CISD2: variants seen among roughly 807,000 people sequenced by gnomAD.
CISD2 encodes CDGSH iron sulfur domain 2, also known as CDGSH iron-sulfur domain-containing protein 2.
CISD2 carries 1 observed loss-of-function variant against 12.9 expected under a neutral mutation model. The observed-to-expected ratio is 0.08, with a 90% confidence interval of 0.03 to 0.37. The LOEUF is 0.37. CISD2 is among the 10% of genes least tolerant of loss of function. CISD2 has a pLI of 0.99. For synonymous variants in CISD2, 50 were observed against 60.6 expected (o/e 0.83, Z 0.81); for missense variants, 97 against 163.1 (o/e 0.59, Z 2.21).
rs367544831 is a variant in CISD2 at position 102,888,723 on chromosome 4, A to G, written c.*1293A>G. 2.0e-5 allele frequency: 3 copies of G among 152,396 alleles called. No individual in the cohort carries two copies. In the East Asian group the frequency reaches 5.8e-4, roughly 29 times the overall value. 9.4% of individuals were successfully genotyped at this position (152,396 alleles called of 1,614,324 possible). A position where few individuals can be genotyped will look rare whatever the true frequency, so the allele number is the denominator to read the frequency against. ...TGAGGTGGGAGGATGGCTGCAGTAC[A>G]AGAGCCCAGGAGTTCAAGGCCAGGC... is the stretch of plus-strand genomic sequence containing the variant. On this transcript the variant is annotated 3_prime_UTR_variant, in exon 3 of 3. Transcript: ENST00000273986.
chr4:102,889,584 T>A lies in CISD2; in HGVS notation c.*2154T>A, dbSNP rs1258688778. ...TGAAAATGAATTATCTCATAAAAGG[T>A]AATTTTAATACCCCAAAAGTAAGAT... On this transcript the variant is annotated 3_prime_UTR_variant, in exon 3 of 3. Transcript: ENST00000273986. The A allele has an allele frequency of 1.3e-5, 2 of 152,238 alleles. No homozygotes were observed. Among genetic ancestry groups the A allele is most frequent in the African/African-American group, 4.8e-5 (2 of 41,458 alleles). The allele number at this position is 152,238 out of a possible 1,614,324, so 9.4% of individuals were successfully genotyped here. A position where few individuals can be genotyped will look rare whatever the true frequency, so the allele number is the denominator to read the frequency against.
At chr4:102,878,350 C>T (rs1008925598) in intron 1 of CISD2, among the ~76,000 whole-genome samples, 5 of 152,072 alleles carry the variant, frequency 3.3e-5, no homozygotes, top group East Asian at 3.9e-4. Context: ...AGGACGGTCT[C>T]GATGTCTTGA....
rs2110410499 is a variant in CISD2 at position 102,891,889 on chromosome 4, A to G, written c.*4459A>G. 6.6e-6 allele frequency: 1 copy of G among 152,340 alleles called. No individual in the cohort carries two copies. Among genetic ancestry groups the G allele is most frequent in the Non-Finnish European group, 1.5e-5 (1 of 68,032 alleles). 9.4% of individuals were successfully genotyped at this position (152,340 alleles called of 1,614,324 possible). ...TGACTCCCTCAACATCCGGTTGGCC[A>G]TATAGTCCCTTTGCACCACAGAGGT... On this transcript the variant is annotated 3_prime_UTR_variant, in exon 3 of 3. Coordinates refer to ENST00000273986, the MANE Select transcript of CISD2 (RefSeq NM_001008388.5).
chr4:102,873,376 A>G (rs1310625462), intron 1 of CISD2, among the ~76,000 whole-genome samples: 2 of 152,068 alleles, frequency 1.3e-5, no homozygotes, highest in Admixed American at 1.3e-4. Flanking sequence ...AGCTCAAGCC[A>G]TCCTCCCACC....
intron 1 of CISD2, chr4:102,869,403 G>A (rs184161680): frequency 6.9e-6 from 5 of 721,322 alleles, no homozygotes; most frequent in Non-Finnish European, 9.9e-6. Flanking sequence ...TTTTGTCCTC[G>A]GAGTTGTCTC....
chr4:102,876,408 T>C (rs1733593368), intron 1 of CISD2, among the ~76,000 whole-genome samples: 1 of 152,216 alleles, frequency 6.6e-6, no homozygotes, highest in East Asian at 1.9e-4. Flanking sequence ...TAGCACAGTA[T>C]CTCTACATAG....
chr4:102,871,143 C>T (rs1454498333), intron 1 of CISD2, among the ~76,000 whole-genome samples: 1 of 152,114 alleles, frequency 6.6e-6, no homozygotes, highest in East Asian at 1.9e-4. Flanking sequence ...CAGATGGTGG[C>T]TGCATTTGTA....
At chr4:102,872,989 C>T (rs1578309463) in intron 1 of CISD2, among the ~76,000 whole-genome samples, 2 of 152,204 alleles carry the variant, frequency 1.3e-5, no homozygotes, top group African/African-American at 4.8e-5. Flanking sequence ...TGGCGGAAGG[C>T]GAAGGGGAAA....
In CISD2 at chr4:102,876,113, T is replaced by C. The variant is rs1029734229; in HGVS notation, c.103+6926T>C. Among the ~76,000 whole-genome samples, 4 of 152,340 alleles carry C rather than the reference T, an allele frequency of 2.6e-5. No homozygotes were observed. The South Asian group carries it at 6.2e-4, about 24-fold the overall frequency. Reference sequence around the variant, plus strand: ...GTTCACTTGTTTATAGTCTCTGTCCTCTGAAATATATACCCTATGAGAGAA... The same window carrying C: ...GTTCACTTGTTTATAGTCTCTGTCCCCTGAAATATATACCCTATGAGAGAA... On this transcript the variant is annotated intron_variant, in intron 1 of 2. Coordinates refer to ENST00000273986, the MANE Select transcript of CISD2 (RefSeq NM_001008388.5).
At chr4:102,869,650 C>A (rs1324433613) in intron 1 of CISD2, 2 of 621,492 alleles carry the variant, frequency 3.2e-6, no homozygotes, top group Non-Finnish European at 5.7e-6. Context: ...TAGACTTACA[C>A]GTAACACGTA....
intron 2 of CISD2, among the ~76,000 whole-genome samples, chr4:102,886,222 C>T (rs973980621): frequency 6.6e-6 from 1 of 152,128 alleles, no homozygotes; most frequent in Non-Finnish European, 1.5e-5. Context: ...GGCGCGGTGG[C>T]TCACGCCTGT....
intron 1 of CISD2, among the ~76,000 whole-genome samples, chr4:102,877,015 A>T (rs1443463037): frequency 2.0e-5 from 3 of 152,186 alleles, no homozygotes. Flanking sequence ...TCCTCCCTCA[A>T]CATGTGGAAA....
chr4:102,883,875 C>T (rs1474052039), intron 1 of CISD2, among the ~76,000 whole-genome samples: 1 of 152,178 alleles, frequency 6.6e-6, no homozygotes, highest in Non-Finnish European at 1.5e-5. Flanking sequence ...TCACCAATCT[C>T]TATAATCTCT....
At chr4:102,878,737 A>T (rs1344450781) in intron 1 of CISD2, among the ~76,000 whole-genome samples, 2 of 152,166 alleles carry the variant, frequency 1.3e-5, no homozygotes, top group Non-Finnish European at 2.9e-5. Context: ...ACTTTCCCAC[A>T]TCTTACTGTC....
chr4:102,886,880 G>C (rs1275458966), intron 2 of CISD2, among the ~76,000 whole-genome samples: 9 of 152,192 alleles, frequency 5.9e-5, no homozygotes, highest in Non-Finnish European at 1.3e-4. Context: ...CTCTGAAAGT[G>C]TTGGGATTAC....
chr4:102,872,597 G>A (rs536871807), intron 1 of CISD2, among the ~76,000 whole-genome samples: 2 of 152,160 alleles, frequency 1.3e-5, no homozygotes, highest in Admixed American at 6.5e-5. Flanking sequence ...GAAAAATTCT[G>A]TTCTAGTTCT....
rs1422581138 is a variant in CISD2 at position 102,892,232 on chromosome 4, A to G, written c.*4802A>G. 1.3e-5 allele frequency: 2 copies of G among 151,728 alleles called. No homozygotes were observed. The highest frequency in any genetic ancestry group is 4.9e-5 in the African/African-American group (2 of 41,236). The allele number at this position is 151,728 out of a possible 1,614,324, so 9.4% of individuals were successfully genotyped here. On this transcript the variant is annotated 3_prime_UTR_variant, in exon 3 of 3. Transcript: ENST00000273986. Reference sequence around the variant, plus strand: ...CTTCATCATGCCCGGCTAATTTTTTATTTTTCTAAGAGACAGAGTCTCACT... The same window carrying G: ...CTTCATCATGCCCGGCTAATTTTTTGTTTTTCTAAGAGACAGAGTCTCACT...
At chr4:102,887,244 C>G in intron 2 of CISD2, 97 bp from the exon 3 acceptor site, 1 of 729,312 alleles carries the variant, frequency 1.4e-6, no homozygotes, top group Non-Finnish European at 2.4e-6. Flanking sequence ...TTTTTTTTAG[C>G]AAGTGATATG....
rs1433706242 is a variant in CISD2 at position 102,888,599 on chromosome 4, A to T, written c.*1169A>T. 1 of 152,270 alleles carries T rather than the reference A, an allele frequency of 6.6e-6. No individual in the cohort carries two copies. Among genetic ancestry groups the T allele is most frequent in the Admixed American group, 6.5e-5 (1 of 15,288 alleles). 9.4% of individuals were successfully genotyped at this position (152,270 alleles called of 1,614,324 possible). A position where few individuals can be genotyped will look rare whatever the true frequency, so the allele number is the denominator to read the frequency against. On this transcript the variant is annotated 3_prime_UTR_variant, in exon 3 of 3. Coordinates refer to ENST00000273986, the MANE Select transcript of CISD2 (RefSeq NM_001008388.5). ...TTTTGTGCTTTTTAATCCTACTATT[A>T]TGAATCTTTTTAGTTTCATCTTACA...
Sources: allele counts gnomAD v4.1 joint callset (sites outside exome capture counted in the v4.1 genomes callset), GRCh38; gene constraint gnomAD v4.1.1; transcripts MANE v1.5; gene names NCBI Gene and HGNC (gene_info 2026-07-23, HGNC 2026-07-21).